XIRP2: variants seen among roughly 807,000 people sequenced by gnomAD.
XIRP2 encodes the protein xin actin binding repeat containing 2, also known as xin actin-binding repeat-containing protein 2.
In XIRP2, 236 loss-of-function variants were observed where a neutral mutation model predicts 277.0. The ratio of observed to expected loss-of-function variants is 0.85; its 90% CI spans 0.77 to 0.95. XIRP2 has a LOEUF of 0.95. XIRP2 is among the 40% of genes least tolerant of loss of function. XIRP2 has a pLI of 0.00. For synonymous variants in XIRP2, 1,490 were observed against 1,416.5 expected, an observed-to-expected ratio of 1.05 and a Z score of -1.17; for missense variants, 4,640 against 4,157.5, an observed-to-expected ratio of 1.12 and a Z score of -3.19.
At chr2:167,145,010 C>T (rs773112694) in intron 3 of XIRP2, among the ~76,000 whole-genome samples, 2 of 152,100 alleles carry the variant, frequency 1.3e-5, no homozygotes, top group African/African-American at 2.4e-5. Flanking sequence ...ATATTTGAAT[C>T]GCTATCCTTG....
At chr2:167,156,978 T>A (rs1013500179) in intron 3 of XIRP2, among the ~76,000 whole-genome samples, 2 of 152,176 alleles carry the variant, frequency 1.3e-5, no homozygotes, top group Non-Finnish European at 2.9e-5. Flanking sequence ...TCTTTCAATT[T>A]TTTTTCAATT....
Position 167,006,713 on chromosome 2 carries a change from C to T in XIRP2, c.408+102823C>T, listed in dbSNP as rs902013828. On this transcript the variant is annotated intron_variant, in intron 2 of 10. Coordinates refer to ENST00000409195, the MANE Select transcript of XIRP2 (RefSeq NM_152381.6). ...AGGCACATAGTTTTCCTGTCAGTAG[C>T]GGAATAAAAAATCCTTAGGGTGAAT... Among the ~76,000 whole-genome samples the T allele has an allele frequency of 4.6e-5, 7 of 151,640 alleles. No homozygotes were observed. The East Asian group carries it at 9.7e-4, about 21-fold the overall frequency.
intron 3 of XIRP2, among the ~76,000 whole-genome samples, chr2:167,165,883 T>C (rs1332170403): frequency 1.3e-5 from 2 of 152,232 alleles, no homozygotes; most frequent in African/African-American, 4.8e-5. Flanking sequence ...ATTATGTTAT[T>C]GATGTTGTAT....
chr2:166,977,678 G>A (rs1686750989), intron 2 of XIRP2, among the ~76,000 whole-genome samples: 1 of 152,108 alleles, frequency 6.6e-6, no homozygotes, highest in African/African-American at 2.4e-5. Flanking sequence ...TGATTCTGAG[G>A]CATTAGAGTT....
intron 3 of XIRP2, among the ~76,000 whole-genome samples, chr2:167,147,864 A>C (rs1205448954): frequency 6.6e-6 from 1 of 152,168 alleles, no homozygotes; most frequent in African/African-American, 2.4e-5. Flanking sequence ...AACAAATTGG[A>C]ACTAAAATAT....
chr2:166,943,462 A>G (rs1361182837), intron 2 of XIRP2, among the ~76,000 whole-genome samples: 1 of 152,220 alleles, frequency 6.6e-6, no homozygotes, highest in Admixed American at 6.5e-5. Context: ...CCAGCAAGGT[A>G]TGAAAGTAGT....
intron 2 of XIRP2, among the ~76,000 whole-genome samples, chr2:167,030,027 G>C (rs1688295641): frequency 6.6e-6 from 1 of 152,042 alleles, no homozygotes; most frequent in South Asian, 2.1e-4. Context: ...TTCTCTGATG[G>C]TAGATTGTAT....
In XIRP2 at chr2:167,244,348, A is replaced by C; in HGVS notation, c.2956A>C (p.Thr986Pro). 6.2e-7 allele frequency: 1 copy of C among 1,613,820 alleles called. No homozygotes were observed. The highest frequency in any genetic ancestry group is 8.5e-7 in the Non-Finnish European group (1 of 1,179,850). Residue 986 changes from threonine to proline, a missense_variant, in exon 9 of 11, where the codon ACA (threonine) becomes CCA (proline). Coordinates refer to ENST00000409195, the MANE Select transcript of XIRP2 (RefSeq NM_152381.6). ...VELNKSLFETTPLYAIQDPLG... is the reference protein window; with the variant it reads ...VELNKSLFETPPLYAIQDPLG... Reference sequence around the variant, plus strand: ...GTTAAATAAATCTCTCTTCGAGACAACACCACTGTATGCCATTCAAGATCC... The same window carrying C: ...GTTAAATAAATCTCTCTTCGAGACACCACCACTGTATGCCATTCAAGATCC...
intron 3 of XIRP2, among the ~76,000 whole-genome samples, chr2:167,193,364 C>T (rs908972646): frequency 1.3e-5 from 2 of 152,122 alleles, no homozygotes; most frequent in Non-Finnish European, 2.9e-5. Flanking sequence ...TTCAGTTATC[C>T]TCATATATAC....
intron 5 of XIRP2, among the ~76,000 whole-genome samples, chr2:167,218,959 T>A (rs1288001036): frequency 1.1e-4 from 16 of 152,198 alleles, no homozygotes; most frequent in Admixed American, 2.0e-4. Context: ...GTAATTACAC[T>A]GTAAACAGGT....
intron 2 of XIRP2, among the ~76,000 whole-genome samples, chr2:166,922,454 T>C (rs1397699): frequency 2.0e-5 from 3 of 151,950 alleles, no homozygotes; most frequent in African/African-American, 7.2e-5. Context: ...ATGAGCATAT[T>C]GTGACTCTCC....
At chr2:167,153,979 G>T (rs1439669989) in intron 3 of XIRP2, among the ~76,000 whole-genome samples, 1 of 150,656 alleles carries the variant, frequency 6.6e-6, no homozygotes, top group South Asian at 2.1e-4. Flanking sequence ...CTGAGGAATC[G>T]CCACACTGAC....
chr2:166,994,858 A>C (rs901372671), intron 2 of XIRP2, among the ~76,000 whole-genome samples: 5 of 152,090 alleles, frequency 3.3e-5, no homozygotes, highest in African/African-American at 1.2e-4. Flanking sequence ...ACATTTACAC[A>C]TTTTTAATCC....
At chr2:167,014,038 G>T (rs1252946270) in intron 2 of XIRP2, among the ~76,000 whole-genome samples, 1 of 151,288 alleles carries the variant, frequency 6.6e-6, no homozygotes, top group African/African-American at 2.4e-5. Context: ...ATCTGCTCAT[G>T]ATTAATCTAG....
At chr2:167,175,756 G>A (rs113761801) in intron 3 of XIRP2, among the ~76,000 whole-genome samples, 15,030 of 152,200 alleles carry the variant, frequency 0.099, 794 homozygotes, top group South Asian at 0.15. Context: ...CTTCCCCCAG[G>A]TGCTCTGTCC....
intron 2 of XIRP2, among the ~76,000 whole-genome samples, chr2:167,096,768 G>T (rs1008530193): frequency 4.6e-5 from 7 of 152,262 alleles, no homozygotes; most frequent in Admixed American, 6.5e-5. Context: ...TGATTTCAAA[G>T]AACTCATTTG....
intron 3 of XIRP2, among the ~76,000 whole-genome samples, chr2:167,142,293 T>A (rs1691742347): frequency 6.6e-6 from 1 of 152,186 alleles, no homozygotes; most frequent in African/African-American, 2.4e-5. Flanking sequence ...CTCACGCTTA[T>A]AATCCCAAAA....
intron 2 of XIRP2, among the ~76,000 whole-genome samples, chr2:166,940,685 G>A (rs752343562): frequency 8.5e-5 from 13 of 152,190 alleles, no homozygotes; most frequent in Non-Finnish European, 1.8e-4. Flanking sequence ...TCAGCTGCAG[G>A]TCTGTTGGAG....
intron 2 of XIRP2, among the ~76,000 whole-genome samples, chr2:166,928,995 C>T (rs1685258455): frequency 6.6e-6 from 1 of 152,080 alleles, no homozygotes; most frequent in Non-Finnish European, 1.5e-5. Context: ...CCTCACTTCT[C>T]AAACACTGGA....
Sources: gnomAD v4.1 joint callset for allele counts (sites outside exome capture counted in the v4.1 genomes callset) on GRCh38, gnomAD v4.1.1 for gene constraint, MANE v1.5 for transcripts, NCBI Gene and HGNC (gene_info 2026-07-23, HGNC 2026-07-21) for gene names.